The following ICAM2 variants were observed in gnomAD, a reference collection of about 807,000 sequenced individuals.
ICAM2 encodes ICAM-2.
Under a neutral mutation model 19.1 loss-of-function variants are expected in ICAM2, and 14 were observed. That is an observed-to-expected ratio of 0.73 (90% CI 0.48 to 1.15). ICAM2 has a LOEUF of 1.15. ICAM2 is among the 50% of genes most tolerant of loss of function. The probability of loss-of-function intolerance (pLI) is 0.00; values close to 1 mark genes in which losing one functional copy is unlikely to be tolerated. For synonymous variants in ICAM2, 153 were observed against 152.7 expected, an observed-to-expected ratio of 1.00 and a Z score of -0.01; for missense variants, 311 against 355.4, an observed-to-expected ratio of 0.88 and a Z score of 1.00.
intron 1 of ICAM2, among the ~76,000 whole-genome samples, chr17:64,009,022 G>A (rs749136238): frequency 2.4e-4 from 36 of 152,222 alleles, no homozygotes; most frequent in Non-Finnish European, 4.6e-4. Context: ...CACCGGGCAT[G>A]TGACCATCTA....
intron 1 of ICAM2, among the ~76,000 whole-genome samples, chr17:64,007,519 C>T (rs1189134103): frequency 1.3e-5 from 2 of 152,162 alleles, no homozygotes; most frequent in African/African-American, 4.8e-5. Flanking sequence ...GCCTTGGCCT[C>T]CCAAAGTGCT....
At chr17:64,013,083 C>A (rs1010728837) in intron 1 of ICAM2, among the ~76,000 whole-genome samples, 5 of 152,012 alleles carry the variant, frequency 3.3e-5, no homozygotes, top group African/African-American at 9.7e-5. Context: ...GAGGCTGGGG[C>A]GAGTGGATTA....
At chr17:64,008,522 G>T (rs1001750526) in intron 1 of ICAM2, among the ~76,000 whole-genome samples, 4 of 152,162 alleles carry the variant, frequency 2.6e-5, no homozygotes, top group African/African-American at 9.7e-5. Context: ...CTAACTCTCT[G>T]AGGCAGGTAC....
chr17:64,011,443 C>T (rs192709489), intron 1 of ICAM2, among the ~76,000 whole-genome samples: 41 of 152,164 alleles, frequency 2.7e-4, no homozygotes, highest in Non-Finnish European at 3.2e-4. Flanking sequence ...GCCTGGGTGA[C>T]AGAGCGAGAC....
intron 3 of ICAM2, 33 bp from the exon 4 acceptor site, chr17:64,003,997 G>A: frequency 6.6e-7 from 1 of 1,521,132 alleles, no homozygotes; most frequent in Non-Finnish European, 8.9e-7. Context: ...GTCTGGTCAG[G>A]ATGGGGGTGC....
chr17:64,009,045 A>G (rs1451623709), intron 1 of ICAM2, among the ~76,000 whole-genome samples: 1 of 152,168 alleles, frequency 6.6e-6, no homozygotes, highest in African/African-American at 2.4e-5. Flanking sequence ...TGTTAGAAAT[A>G]GTTACTGTAT....
At chr17:64,018,761 G>A (rs1330177776) in intron 1 of ICAM2, among the ~76,000 whole-genome samples, 5 of 113,554 alleles carry the variant, frequency 4.4e-5, no homozygotes, top group South Asian at 3.1e-4. Flanking sequence ...TCGTTGTGTC[G>A]CCCAGGCTGG....
intron 1 of ICAM2, among the ~76,000 whole-genome samples, chr17:64,008,628 T>C (rs535953754): frequency 6.6e-6 from 1 of 152,232 alleles, no homozygotes; most frequent in South Asian, 2.1e-4. Flanking sequence ...GAAGTCACCA[T>C]GAATGATAGC....
intron 1 of ICAM2, among the ~76,000 whole-genome samples, chr17:64,012,296 C>T (rs1049806841): frequency 6.6e-6 from 1 of 152,028 alleles, no homozygotes; most frequent in African/African-American, 2.4e-5. Flanking sequence ...GACCCTGTGT[C>T]TATTATTTTA....
At chr17:64,020,200 G>A (rs979368956) in intron 1 of ICAM2, among the ~76,000 whole-genome samples, 59 of 152,010 alleles carry the variant, frequency 3.9e-4, no homozygotes, top group African/African-American at 1.3e-3. Flanking sequence ...GCCCACGTGG[G>A]CCCCTAAATA....
At chr17:64,017,625 C>T (rs1911765915) in intron 1 of ICAM2, among the ~76,000 whole-genome samples, 1 of 152,094 alleles carries the variant, frequency 6.6e-6, no homozygotes, top group Non-Finnish European at 1.5e-5. Flanking sequence ...AACAAAAGAA[C>T]CAAGACGCCC....
At chr17:64,014,517 G>A (rs543531086) in intron 1 of ICAM2, among the ~76,000 whole-genome samples, 45 of 133,808 alleles carry the variant, frequency 3.4e-4, no homozygotes, top group Non-Finnish European at 6.1e-4. Context: ...GGGAGAGAGA[G>A]AGAAAGAAAG....
intron 4 of ICAM2, 88 bp downstream of exon 4, chr17:64,003,556 C>T: frequency 8.0e-7 from 1 of 1,249,850 alleles, no homozygotes; most frequent in South Asian, 1.4e-5. Flanking sequence ...TGGGTGTTTG[C>T]TTCCCAAGTG....
At chr17:64,012,688 G>T (rs534022775) in intron 1 of ICAM2, among the ~76,000 whole-genome samples, 1 of 152,178 alleles carries the variant, frequency 6.6e-6, no homozygotes, top group African/African-American at 2.4e-5. Flanking sequence ...TTGAATCCAC[G>T]TGAATGAAGG....
Position 64,002,792 on chromosome 17 carries a change from C to T in ICAM2, c.783G>A (p.Gly261=). 1 of 1,613,558 alleles carries T rather than the reference C, an allele frequency of 6.2e-7. No homozygotes were observed. ...GCAGCCTCCTCCAAGCCGCTCGCAC[C>T]CCGTAGGTGCCCATCCGCTGCTGGC... ...HLRQQRMGTY[G]VRAAWRRLPQ... is the part of the protein sequence containing the mutation. The change falls in exon 5 of 5, where the codon GGG becomes GGA. Residue 261 remains glycine (G), a synonymous_variant. Transcript: ENST00000579788.
At chr17:64,019,696 G>A (rs1428196094) in intron 1 of ICAM2, among the ~76,000 whole-genome samples, 1 of 151,474 alleles carries the variant, frequency 6.6e-6, no homozygotes, top group Non-Finnish European at 1.5e-5. Context: ...CGCACCTGTA[G>A]TCCCAGCTAC....
intron 1 of ICAM2, among the ~76,000 whole-genome samples, chr17:64,014,136 G>T (rs1266630353): frequency 2.0e-5 from 3 of 151,900 alleles, no homozygotes; most frequent in Non-Finnish European, 2.9e-5. Flanking sequence ...AGGCGCAAAA[G>T]TTGTGCTTGG....
At chr17:64,014,707 AAGGAAGGAAGG>A (rs1567849779) in intron 1 of ICAM2, among the ~76,000 whole-genome samples, 285 of 11,146 alleles carry the variant, frequency 0.026, 3 homozygotes, top group Middle Eastern at 0.25. Context: ...GGAAGGAAGG[AAGGAAGGAAGG>A]AAGGAAGAAA....
chr17:64,018,815 G>A (rs1031201053), intron 1 of ICAM2, among the ~76,000 whole-genome samples: 2 of 145,868 alleles, frequency 1.4e-5, no homozygotes, highest in Admixed American at 6.9e-5. Flanking sequence ...TCCACCTCCC[G>A]GGTTCGAGCT....
Sources: gnomAD v4.1 joint callset for allele counts (sites outside exome capture counted in the v4.1 genomes callset) on GRCh38, gnomAD v4.1.1 for gene constraint, MANE v1.5 for transcripts, NCBI Gene and HGNC (gene_info 2026-07-23, HGNC 2026-07-21) for gene names.